SOD2: variants seen among roughly 807,000 people sequenced by gnomAD.
SOD2 encodes superoxide dismutase 2.
A neutral mutation model predicts 27.0 loss-of-function variants in SOD2; 11 were observed. The observed-to-expected ratio is 0.41, with a 90% CI of 0.26 to 0.67. The LOEUF (loss-of-function observed/expected upper bound fraction) is 0.67, where lower values mean the gene tolerates loss of function less well. Among genes scored for constraint, SOD2 ranks in the 30% least tolerant of loss-of-function variants. The pLI is 0.34. For synonymous variants in SOD2, 105 were observed against 103.0 expected, an observed-to-expected ratio of 1.02 and a Z score of -0.12; for missense variants, 250 against 274.5, an observed-to-expected ratio of 0.91 and a Z score of 0.63.
intron 1 of SOD2, among the ~76,000 whole-genome samples, chr6:159,735,765 A>G (rs1489853350): frequency 1.3e-5 from 2 of 152,076 alleles, no homozygotes; most frequent in African/African-American, 4.8e-5. Context: ...AATAAAAATA[A>G]AATATATAAT....
intron 1 of SOD2, chr6:159,760,807 G>A (rs1328391917): frequency 6.6e-6 from 1 of 152,224 alleles, no homozygotes; most frequent in Non-Finnish European, 1.5e-5. Flanking sequence ...GGATAGAATA[G>A]AGCAAAAGCC....
At chr6:159,698,441 A>T (rs1464290249) in intron 1 of SOD2, among the ~76,000 whole-genome samples, 1 of 151,788 alleles carries the variant, frequency 6.6e-6, no homozygotes, top group Non-Finnish European at 1.5e-5. Flanking sequence ...GCATGGTGGC[A>T]AGCACCTGCA....
At chr6:159,761,480 A>G (rs1405754206) in exon 1 of SOD2, 1 of 453,718 alleles carries the variant, frequency 2.2e-6, no homozygotes, top group Non-Finnish European at 4.4e-6. Flanking sequence ...AGACGCTCCT[A>G]GCAAGCCCCT....
intron 3 of SOD2, among the ~76,000 whole-genome samples, chr6:159,686,711 T>C (rs1479010428): frequency 6.6e-6 from 1 of 152,176 alleles, no homozygotes; most frequent in African/African-American, 2.4e-5. Context: ...AAGCTTACTC[T>C]CCTCATTCAT....
chr6:159,750,187 C>T (rs1374699444), intron 1 of SOD2, among the ~76,000 whole-genome samples: 1 of 152,082 alleles, frequency 6.6e-6, no homozygotes, highest in African/African-American at 2.4e-5. Context: ...TGCATTAAGG[C>T]TTTTGTAAAT....
chr6:159,714,514 C>T (rs1464063607), intron 1 of SOD2, among the ~76,000 whole-genome samples: 1 of 152,192 alleles, frequency 6.6e-6, no homozygotes, highest in Non-Finnish European at 1.5e-5. Flanking sequence ...ATTTGACTTC[C>T]ACCAGCAGGC....
chr6:159,747,157 G>A (rs1022603205), upstream of SOD2, among the ~76,000 whole-genome samples: 2 of 152,126 alleles, frequency 1.3e-5, no homozygotes, highest in Non-Finnish European at 2.9e-5. Context: ...GTTAGATCTT[G>A]GGCCAGATCT....
rs1779659547 is a variant in SOD2, at chr6:159,671,458, C to A, written c.*11035G>T. Reference sequence around the variant, plus strand: ...AGCAATATTCGCTGTTCTACAGCCTCCACTGTGATACCCAGGCAAACAGGG... The same window carrying A: ...AGCAATATTCGCTGTTCTACAGCCTACACTGTGATACCCAGGCAAACAGGG... On this transcript the variant is annotated 3_prime_UTR_variant, in exon 5 of 5. Coordinates refer to ENST00000538183, the MANE Select transcript of SOD2 (RefSeq NM_000636.4). The A allele has an allele frequency of 2.0e-5, 3 of 152,368 alleles. No individual in the cohort carries two copies. The highest frequency in any genetic ancestry group is 4.4e-5 in the Non-Finnish European group (3 of 68,190). 9.4% of individuals were successfully genotyped at this position (152,368 alleles called of 1,614,324 possible).
At chr6:159,703,930 C>T (rs1777571360) in intron 1 of SOD2, among the ~76,000 whole-genome samples, 1 of 152,170 alleles carries the variant, frequency 6.6e-6, no homozygotes, top group Admixed American at 6.6e-5. Flanking sequence ...AATAATCTTC[C>T]ACTGTTACAG....
chr6:159,693,264 G>A (rs1048272155), upstream of SOD2: 46 of 1,230,268 alleles, frequency 3.7e-5, no homozygotes, highest in Non-Finnish European at 5.1e-5. Flanking sequence ...CCGCCCGCGG[G>A]CCTTAAGAAA....
At position 159,679,773 on chromosome 6, in the gene SOD2, T is replaced by C. The variant is rs1779867414; in HGVS notation, c.*2720A>G. On this transcript the variant is annotated 3_prime_UTR_variant, in exon 5 of 5. Coordinates refer to ENST00000538183, the MANE Select transcript of SOD2 (RefSeq NM_000636.4). The stretch of plus-strand genomic sequence containing the variant: ...AAAGCAATTTTACCTTTTCTATTTC[T>C]ATTATGAAAAACAGAGCTAAACAAT... 6.6e-6 allele frequency: 1 copy of C among 152,224 alleles called. No homozygotes were observed. The highest frequency in any genetic ancestry group is 2.1e-4 in the South Asian group (1 of 4,834). 9.4% of individuals were successfully genotyped at this position (152,224 alleles called of 1,614,324 possible). A position where few individuals can be genotyped will look rare whatever the true frequency, so the allele number is the denominator to read the frequency against.
chr6:159,742,599 G>A (rs552832966), intron 1 of SOD2, among the ~76,000 whole-genome samples: 4 of 152,036 alleles, frequency 2.6e-5, no homozygotes, highest in Admixed American at 6.5e-5. Context: ...TGAAAATAAC[G>A]TTTATCATTT....
chr6:159,723,879 C>T (rs757444758), intron 1 of SOD2, among the ~76,000 whole-genome samples: 7 of 152,194 alleles, frequency 4.6e-5, no homozygotes, highest in Non-Finnish European at 1.0e-4. Flanking sequence ...TCGCCTCAGC[C>T]TCCCAAGTAG....
chr6:159,713,620 T>C (rs1777871216), intron 1 of SOD2: 4 of 1,017,578 alleles, frequency 3.9e-6, no homozygotes, highest in Non-Finnish European at 6.2e-6. Context: ...ATGAACAATC[T>C]CTTCCTTGGA....
chr6:159,757,695 G>A (rs1178318823), intron 1 of SOD2, among the ~76,000 whole-genome samples: 1 of 152,172 alleles, frequency 6.6e-6, no homozygotes, highest in Non-Finnish European at 1.5e-5. Flanking sequence ...ACAGGTGTGA[G>A]CCACCGCGCC....
intron 1 of SOD2, among the ~76,000 whole-genome samples, chr6:159,706,809 A>C (rs1450405349): frequency 6.6e-6 from 1 of 152,238 alleles, no homozygotes; most frequent in Non-Finnish European, 1.5e-5. Context: ...AATCAACAGA[A>C]TATACATTCT....
At chr6:159,753,250 T>G in intron 1 of SOD2, 1 of 618,750 alleles carries the variant, frequency 1.6e-6, no homozygotes. Flanking sequence ...TTTGGGCACT[T>G]TTTGTTTAGG....
chr6:159,727,365 C>G (rs1466506092), upstream of SOD2: 3 of 647,364 alleles, frequency 4.6e-6, no homozygotes, highest in South Asian at 2.1e-5. Context: ...CATGGCGGAG[C>G]GGGGAGGCTG....
At chr6:159,731,563 A>G (rs879859730), upstream of SOD2, among the ~76,000 whole-genome samples, 7 of 152,264 alleles carry the variant, frequency 4.6e-5, no homozygotes, top group Admixed American at 3.3e-4. Flanking sequence ...TGTTAGAAAC[A>G]GTCGGGAGGA....
Sources: gnomAD v4.1 joint callset for allele counts (sites outside exome capture counted in the v4.1 genomes callset) on GRCh38, gnomAD v4.1.1 for gene constraint, MANE v1.5 for transcripts, NCBI Gene and HGNC (gene_info 2026-07-23, HGNC 2026-07-21) for gene names.